LINGO2: variants seen among roughly 807,000 people sequenced by gnomAD.
The protein encoded by LINGO2 is leucine-rich repeat and immunoglobulin-like domain-containing nogo receptor-interacting protein 2.
A neutral mutation model predicts 30.6 loss-of-function variants in LINGO2; 14 were observed. That is an observed-to-expected ratio of 0.46 (90% confidence interval 0.30 to 0.72). LINGO2 has a LOEUF of 0.72. Among genes scored for constraint, LINGO2 ranks in the 30% least tolerant of loss-of-function variants. LINGO2 has a pLI of 0.07. For missense variants in LINGO2, 729 were observed against 751.7 expected (o/e 0.97, Z 0.35); for synonymous variants, 317 against 288.5 (o/e 1.10, Z -1.00).
At chr9:28,968,139 T>C in the LINGO2 span, among the ~76,000 whole-genome samples, 5 of 152,112 alleles carry the variant, frequency 3.3e-5, no homozygotes, top group Non-Finnish European at 7.4e-5. Context: ...TAGAACAAAA[T>C]TTGCAACATT....
intron 1 of LINGO2, among the ~76,000 whole-genome samples, chr9:28,579,236 C>T (rs942826593): frequency 6.6e-6 from 1 of 152,052 alleles, no homozygotes; most frequent in East Asian, 1.9e-4. Context: ...TTATTCTAGG[C>T]CTCCACGTGA....
At chr9:28,661,890 G>T (rs2136012315) in intron 1 of LINGO2, among the ~76,000 whole-genome samples, 1 of 152,254 alleles carries the variant, frequency 6.6e-6, no homozygotes, top group South Asian at 2.1e-4. Context: ...CAAGAGAACA[G>T]GGGTGGCAGG....
the LINGO2 span, among the ~76,000 whole-genome samples, chr9:29,089,654 C>A: frequency 1.3e-5 from 2 of 151,972 alleles, no homozygotes; most frequent in African/African-American, 4.8e-5. Flanking sequence ...TTTATAACAC[C>A]TTCTAACTGA....
At chr9:28,267,011 C>G (rs1444833620) in intron 4 of LINGO2, among the ~76,000 whole-genome samples, 1 of 151,970 alleles carries the variant, frequency 6.6e-6, no homozygotes, top group Non-Finnish European at 1.5e-5. Flanking sequence ...CTCATGGTTC[C>G]AGGGTGCAGG....
intron 1 of LINGO2, among the ~76,000 whole-genome samples, chr9:28,590,494 G>T (rs543573490): frequency 6.6e-6 from 1 of 151,680 alleles, no homozygotes; most frequent in Non-Finnish European, 1.5e-5. Context: ...AAAAGTGGGC[G>T]AAGGATATGA....
chr9:28,779,291 G>A, the LINGO2 span, among the ~76,000 whole-genome samples: 2 of 151,934 alleles, frequency 1.3e-5, no homozygotes, highest in African/African-American at 4.8e-5. Context: ...TTTATTTTGG[G>A]CAGCTTTTTA....
At chr9:27,977,764 G>T (rs10968246) in intron 5 of LINGO2, among the ~76,000 whole-genome samples, 1 of 150,728 alleles carries the variant, frequency 6.6e-6, no homozygotes, top group Non-Finnish European at 1.5e-5. Flanking sequence ...ACAACCTCAC[G>T]TTGGCAAAAT....
intron 4 of LINGO2, chr9:28,149,325 T>C: frequency 1.8e-6 from 1 of 543,072 alleles, no homozygotes; most frequent in Non-Finnish European, 3.3e-6. Flanking sequence ...ATCTGGGAAG[T>C]GAGGAGCGCC....
At chr9:28,781,770 G>GA in the LINGO2 span, among the ~76,000 whole-genome samples, 2 of 151,878 alleles carry the variant, frequency 1.3e-5, no homozygotes, top group African/African-American at 4.8e-5. Flanking sequence ...AAAGGAGGAG[G>GA]AAAAAAATCC....
intron 1 of LINGO2, among the ~76,000 whole-genome samples, chr9:28,565,570 G>T (rs1283020427): frequency 7.0e-6 from 1 of 142,692 alleles, no homozygotes; most frequent in Non-Finnish European, 1.5e-5. Flanking sequence ...TTATTTTTTT[G>T]AGACGGAGTC....
chr9:28,656,775 T>C (rs541394156), intron 1 of LINGO2, among the ~76,000 whole-genome samples: 1 of 152,260 alleles, frequency 6.6e-6, no homozygotes, highest in Non-Finnish European at 1.5e-5. Context: ...ATAAGCCTAA[T>C]TCCCCTATCC....
intron 4 of LINGO2, among the ~76,000 whole-genome samples, chr9:28,094,807 G>A (rs1303264916): frequency 6.6e-6 from 1 of 151,934 alleles, no homozygotes; most frequent in Non-Finnish European, 1.5e-5. Context: ...CACTCAACCA[G>A]ACCCTCAAAG....
chr9:29,110,985 G>A, the LINGO2 span, among the ~76,000 whole-genome samples: 1 of 141,536 alleles, frequency 7.1e-6, no homozygotes, highest in African/African-American at 2.8e-5. Context: ...CACGGCGCCC[G>A]GCCTGGAAGT....
chr9:29,015,414 G>T, the LINGO2 span, among the ~76,000 whole-genome samples: 1 of 152,018 alleles, frequency 6.6e-6, no homozygotes, highest in Non-Finnish European at 1.5e-5. Flanking sequence ...TCTATAGGGG[G>T]CCAGACAATA....
intron 2 of LINGO2, among the ~76,000 whole-genome samples, chr9:28,434,424 T>C (rs1823830884): frequency 6.6e-6 from 1 of 151,770 alleles, no homozygotes; most frequent in South Asian, 2.1e-4. Flanking sequence ...CCCTCCTGGT[T>C]AGTCAATCAT....
intron 4 of LINGO2, among the ~76,000 whole-genome samples, chr9:28,056,803 C>A (rs1824956459): frequency 6.6e-6 from 1 of 152,106 alleles, no homozygotes; most frequent in South Asian, 2.1e-4. Context: ...TTAGGCATTT[C>A]TTTTATAATG....
At chr9:28,908,698 A>C in the LINGO2 span, among the ~76,000 whole-genome samples, 1 of 151,946 alleles carries the variant, frequency 6.6e-6, no homozygotes, top group Non-Finnish European at 1.5e-5. Context: ...CTATTTTATA[A>C]GGATGCACAA....
the LINGO2 span, among the ~76,000 whole-genome samples, chr9:28,726,055 G>A: frequency 6.6e-6 from 1 of 152,070 alleles, no homozygotes; most frequent in African/African-American, 2.4e-5. Context: ...TGTTACATGT[G>A]ACACTAGCAT....
At chr9:28,770,826 G>T in the LINGO2 span, among the ~76,000 whole-genome samples, 1 of 152,156 alleles carries the variant, frequency 6.6e-6, no homozygotes, top group Non-Finnish European at 1.5e-5. Flanking sequence ...GAAAAAATTG[G>T]TAGATGTTCC....
Sources: gnomAD v4.1 joint callset for allele counts (sites outside exome capture counted in the v4.1 genomes callset) on GRCh38, gnomAD v4.1.1 for gene constraint, MANE v1.5 for transcripts, NCBI Gene and HGNC (gene_info 2026-07-23, HGNC 2026-07-21) for gene names.